ELAPOR1: variants seen among roughly 807,000 people sequenced by gnomAD.
ELAPOR1 encodes the protein endosome/lysosome-associated apoptosis and autophagy regulator 1.
Under a neutral mutation model 119.7 loss-of-function variants are expected in ELAPOR1, and 77 were observed. That is an observed-to-expected ratio of 0.64 (90% CI 0.54 to 0.78). The LOEUF is 0.78. Among genes scored for constraint, ELAPOR1 ranks in the 30% least tolerant of loss-of-function variants. The probability of loss-of-function intolerance (pLI) is 0.00; values close to 1 mark genes in which losing one functional copy is unlikely to be tolerated. For missense variants in ELAPOR1, 1,115 were observed against 1,270.4 expected, an observed-to-expected ratio of 0.88 and a Z score of 1.86; for synonymous variants, 481 against 487.2, an observed-to-expected ratio of 0.99 and a Z score of 0.17.
intron 20 of ELAPOR1, among the ~76,000 whole-genome samples, 164 bp from the exon 21 acceptor site, chr1:109,200,571 C>A (rs1447172454): frequency 6.6e-6 from 1 of 152,192 alleles, no homozygotes; most frequent in East Asian, 1.9e-4. Context: ...GAACTGGGAA[C>A]TAAGATTCCT....
chr1:109,154,298 A>AAG (rs1650731086), intron 1 of ELAPOR1, among the ~76,000 whole-genome samples: 1 of 151,086 alleles, frequency 6.6e-6, no homozygotes, highest in African/African-American at 2.4e-5. Flanking sequence ...AAAAAAAAAA[A>AAG]AAAAAGAAAA....
rs187474029 is a variant in ELAPOR1, at chr1:109,181,907, A to G, written c.953-3138A>G. 5.3e-3 allele frequency among the ~76,000 whole-genome samples: 811 copies of G among 152,278 alleles called. 3 individuals are homozygous for G. The highest frequency in any genetic ancestry group is 8.1e-3 in the Non-Finnish European group (554 of 68,024). ...AGGCCAACAAGACTGCAATTAGGAG[A>G]TTATCTGATCTACGAACCCATGTGG... is the stretch of plus-strand genomic sequence containing the variant. On this transcript the variant is annotated intron_variant, in intron 7 of 21. Coordinates refer to ENST00000369939, the MANE Select transcript of ELAPOR1 (RefSeq NM_020775.5).
chr1:109,181,995 G>A (rs887567899), intron 7 of ELAPOR1, among the ~76,000 whole-genome samples: 1 of 152,286 alleles, frequency 6.6e-6, no homozygotes, highest in African/African-American at 2.4e-5. Flanking sequence ...GAGGTAAAGA[G>A]ACCTTTAATC....
intron 1 of ELAPOR1, among the ~76,000 whole-genome samples, chr1:109,117,069 C>T (rs1414239989): frequency 2.0e-5 from 3 of 152,104 alleles, no homozygotes; most frequent in Non-Finnish European, 4.4e-5. Flanking sequence ...CTTATCAGGC[C>T]AAGGCTGACC....
At chr1:109,187,659 C>T (rs1225305884) in intron 8 of ELAPOR1, 1 of 992,096 alleles carries the variant, frequency 1.0e-6, no homozygotes, top group African/African-American at 1.8e-5. Context: ...TCATTCATCT[C>T]TGAGACACCA....
intron 1 of ELAPOR1, among the ~76,000 whole-genome samples, chr1:109,121,136 T>G (rs1471360306): frequency 1.3e-5 from 2 of 152,230 alleles, no homozygotes; most frequent in Non-Finnish European, 2.9e-5. Context: ...GCATTCTGTA[T>G]TTCTTGAATT....
At chr1:109,144,061 A>ATATATATATATATTTTTTTTTTTTTTTTT in intron 1 of ELAPOR1, among the ~76,000 whole-genome samples, 4 of 88,992 alleles carry the variant, frequency 4.5e-5, no homozygotes, top group African/African-American at 9.6e-5. Context: ...ATATTTATAT[A>ATATATATATATATTTTTTTTTTTTTTTTT]TTTTTTTTTT....
rs530970184 is a variant in ELAPOR1, at chr1:109,192,716, G to A, written c.1789G>A (p.Asp597Asn). Residue 597 changes from aspartate to asparagine, a missense_variant, in exon 14 of 22, where the codon GAT (aspartate) becomes AAT (asparagine). Coordinates refer to ENST00000369939, the MANE Select transcript of ELAPOR1 (RefSeq NM_020775.5). ...YCRPCALEAS[D>N]VGSSCTSCPA... is the part of the protein sequence containing the mutation. ...CCGTCCCTGTGCCCTAGAAGCCTCT[G>A]ATGTGGGCTCCTCCTGCACCTCTTG... 1.1e-5 allele frequency: 17 copies of A among 1,614,100 alleles called. No homozygotes were observed. Among genetic ancestry groups the A allele is most frequent in the Non-Finnish European group, 1.4e-5 (16 of 1,180,032 alleles).
Position 109,173,454 on chromosome 1 carries a change from C to T in ELAPOR1, c.697-20C>T. The stretch of plus-strand genomic sequence containing the variant: ...GATTTTTCTCTGTGATGAATGAATG[C>T]TCCTGTTTGTGGTTTTTAGGTGGAG... On this transcript the variant is annotated intron_variant, in intron 5 of 21. Transcript: ENST00000369939. The T allele has an allele frequency of 6.3e-7, 1 of 1,597,646 alleles. No individual in the cohort carries two copies. Among genetic ancestry groups the T allele is most frequent in the Non-Finnish European group, 8.6e-7 (1 of 1,166,274 alleles).
At chr1:109,177,965 T>G (rs1652449349) in intron 7 of ELAPOR1, among the ~76,000 whole-genome samples, 1 of 152,202 alleles carries the variant, frequency 6.6e-6, no homozygotes. Flanking sequence ...CACTGATTTC[T>G]CAATGTGCCC....
chr1:109,181,788 A>G (rs951810865), intron 7 of ELAPOR1, among the ~76,000 whole-genome samples: 19 of 151,986 alleles, frequency 1.3e-4, no homozygotes, highest in African/African-American at 3.6e-4. Flanking sequence ...GAAGACCCCA[A>G]CTGTTTCTCA....
intron 1 of ELAPOR1, among the ~76,000 whole-genome samples, chr1:109,144,061 A>ATCTTTTTTTTTTTTTTTTT: frequency 1.1e-5 from 1 of 89,018 alleles, no homozygotes. Context: ...ATATTTATAT[A>ATCTTTTTTTTTTTTTTTTT]TTTTTTTTTT....
At position 109,197,644 on chromosome 1, in the gene ELAPOR1, T is replaced by C. The variant is rs1653900537; in HGVS notation, c.2292T>C (p.Asp764=). 1 of 1,613,946 alleles carries C rather than the reference T, an allele frequency of 6.2e-7. No homozygotes were observed. ...GVSSQPVSLA[D]RLIGVTTDMT... is the part of the protein sequence containing the mutation. ...CCTCACAGCCTGTCAGCCTTGCTGA[T>C]CGACTTATTGGTGAGTAACTCCGCT... The change falls in exon 16 of 22, where the codon GAT becomes GAC. Residue 764 remains aspartate (D), a synonymous_variant. Coordinates refer to ENST00000369939, the MANE Select transcript of ELAPOR1 (RefSeq NM_020775.5).
At chr1:109,114,694 A>G (rs1238928862) in intron 1 of ELAPOR1, among the ~76,000 whole-genome samples, 1 of 152,230 alleles carries the variant, frequency 6.6e-6, no homozygotes, top group East Asian at 1.9e-4. Flanking sequence ...GATTATGCAC[A>G]GAGAAGCAAA....
intron 2 of ELAPOR1, 73 bp downstream of exon 2, chr1:109,162,087 A>G (rs1367091028): frequency 2.6e-6 from 4 of 1,522,586 alleles, no homozygotes; most frequent in East Asian, 4.6e-5. Flanking sequence ...CTGCCATCCA[A>G]TCTGGGCCCT....
chr1:109,185,513 G>A (rs949097806), intron 8 of ELAPOR1, among the ~76,000 whole-genome samples: 1 of 152,144 alleles, frequency 6.6e-6, no homozygotes, highest in Admixed American at 6.6e-5. Context: ...GGGCTGGCAC[G>A]GGGAATGGAT....
rs769243531 is a variant in ELAPOR1 at position 109,200,722 on chromosome 1, T to A, written c.2808-13T>A. On this transcript the variant is annotated splice_polypyrimidine_tract_variant and intron_variant, in intron 20 of 21. Coordinates refer to ENST00000369939, the MANE Select transcript of ELAPOR1 (RefSeq NM_020775.5). ...TTTTGGGATCTTGTCTTTCCCATCC[T>A]CCTGTTTTATAGACTAGAGTACAAG... The A allele has an allele frequency of 2.5e-6, 4 of 1,610,228 alleles. No individual in the cohort carries two copies. The highest frequency in any genetic ancestry group is 1.7e-4 in the Middle Eastern group (1 of 6,046).
chr1:109,186,940 G>C (rs1653087505), intron 8 of ELAPOR1: 1 of 985,426 alleles, frequency 1.0e-6, no homozygotes, highest in African/African-American at 1.7e-5. Context: ...GCACAGCCAA[G>C]GCCCAGCTCA....
chr1:109,200,683 C>T, intron 20 of ELAPOR1, 52 bp from the exon 21 acceptor site: 1 of 1,568,302 alleles, frequency 6.4e-7, no homozygotes, highest in Non-Finnish European at 8.7e-7. Flanking sequence ...ACCTCTTTCC[C>T]CCTTATTCCC....
Sources: allele counts gnomAD v4.1 joint callset (sites outside exome capture counted in the v4.1 genomes callset), GRCh38; gene constraint gnomAD v4.1.1; transcripts MANE v1.5; gene names NCBI Gene and HGNC (gene_info 2026-07-23, HGNC 2026-07-21).